Variants in CNKSR2 observed in about 807,000 individuals in gnomAD.
The protein encoded by CNKSR2 is connector enhancer of kinase suppressor of Ras 2.
A neutral mutation model predicts 84.4 loss-of-function variants in CNKSR2; 14 were observed. The ratio of observed to expected loss-of-function variants is 0.17; its 90% confidence interval spans 0.11 to 0.26. The LOEUF (loss-of-function observed/expected upper bound fraction) is 0.26, where lower values mean the gene tolerates loss of function less well. CNKSR2 is among the 10% of genes least tolerant of loss of function. The pLI is 1.00. For synonymous variants in CNKSR2, 275 were observed against 277.9 expected (o/e 0.99, Z 0.10); for missense variants, 485 against 771.2 (o/e 0.63, Z 4.40).
At chrX:21,630,714 C>CAT (rs60545799) in intron 20 of CNKSR2, among the ~76,000 whole-genome samples, 23 of 108,549 alleles carry the variant, frequency 2.1e-4, no homozygotes, top group Admixed American at 5.9e-4. Context: ...CACACACATA[C>CAT]ATATATATAT....
intron 8 of CNKSR2, 25 bp from the exon 9 acceptor site, chrX:21,516,460 T>C: frequency 8.4e-7 from 1 of 1,197,072 alleles, no homozygotes; most frequent in Non-Finnish European, 1.1e-6. Context: ...CTCAATTTTA[T>C]TGTAATGATT....
At chrX:21,625,196 ACT>A (rs1460779008) in intron 20 of CNKSR2, among the ~76,000 whole-genome samples, 2 of 112,190 alleles carry the variant, frequency 1.8e-5, no homozygotes, top group South Asian at 3.7e-4. Context: ...AAATTTGGTG[ACT>A]CTTTTTCTGT....
chrX:21,519,360 A>C (rs1023454931), intron 9 of CNKSR2, among the ~76,000 whole-genome samples: 5 of 111,338 alleles, frequency 4.5e-5, no homozygotes, highest in African/African-American at 1.6e-4. Context: ...GAAAAGTTAA[A>C]GAAATAGTGA....
intron 4 of CNKSR2, among the ~76,000 whole-genome samples, chrX:21,459,664 C>G (rs745943757): frequency 9.0e-6 from 1 of 110,845 alleles, no homozygotes; most frequent in Non-Finnish European, 1.9e-5. Context: ...ATATGTTTAT[C>G]TGGATTTTTG....
chrX:21,584,866 G>T (rs1419588519), intron 13 of CNKSR2, among the ~76,000 whole-genome samples: 1 of 111,108 alleles, frequency 9.0e-6, no homozygotes, highest in Non-Finnish European at 1.9e-5. Context: ...AGAGGGACAT[G>T]AGAAACCATT....
rs2092725370 is a variant in CNKSR2 at position 21,653,493 on chromosome X, A to T, written c.*972A>T. On this transcript the variant is annotated 3_prime_UTR_variant, in exon 22 of 22. Transcript: ENST00000379510. ...CCTAGTCCACTAATTAAACTTAGGTAATTATACTTCAGGTAGGGAAGTACA... is the reference window on the plus strand; with the variant it reads ...CCTAGTCCACTAATTAAACTTAGGTTATTATACTTCAGGTAGGGAAGTACA... The T allele has an allele frequency of 9.1e-6, 1 of 110,387 alleles. No individual in the cohort carries two copies. Among genetic ancestry groups the T allele is most frequent in the Admixed American group, 9.8e-5 (1 of 10,236 alleles). 9.1% of individuals were successfully genotyped at this position (110,387 alleles called of 1,213,427 possible). A position where few individuals can be genotyped will look rare whatever the true frequency, so the allele number is the denominator to read the frequency against.
At chrX:21,546,545 C>G (rs2092027481) in intron 11 of CNKSR2, among the ~76,000 whole-genome samples, 1 of 110,894 alleles carries the variant, frequency 9.0e-6, no homozygotes, top group Admixed American at 9.6e-5. Flanking sequence ...CCTAGCAAGA[C>G]AGGCCAAATT....
At chrX:21,619,733 G>A (rs1281286735) in intron 20 of CNKSR2, among the ~76,000 whole-genome samples, 1 of 110,686 alleles carries the variant, frequency 9.0e-6, no homozygotes, top group Non-Finnish European at 1.9e-5. Flanking sequence ...TTCTTGGTGA[G>A]AGAAAATAGC....
chrX:21,595,232 G>A (rs1261013130), intron 16 of CNKSR2, 92 bp from the exon 17 acceptor site: 15 of 716,863 alleles, frequency 2.1e-5, no homozygotes, highest in Non-Finnish European at 3.0e-5. Flanking sequence ...TGTGAACTCG[G>A]GTTAGATGTT....
At chrX:21,382,790 T>G (rs1449392304) in intron 1 of CNKSR2, among the ~76,000 whole-genome samples, 1 of 111,613 alleles carries the variant, frequency 9.0e-6, no homozygotes, top group Non-Finnish European at 1.9e-5. Context: ...AGCATTTTCT[T>G]GTGTAATTTT....
intron 8 of CNKSR2, among the ~76,000 whole-genome samples, chrX:21,514,343 C>T (rs1313951735): frequency 4.5e-5 from 5 of 111,628 alleles, no homozygotes; most frequent in Non-Finnish European, 9.4e-5. Context: ...TTGTTAATGT[C>T]ATGTGAATAA....
intron 2 of CNKSR2, 26 bp downstream of exon 2, chrX:21,426,686 G>A: frequency 8.7e-7 from 1 of 1,154,374 alleles, no homozygotes; most frequent in Non-Finnish European, 1.1e-6. Flanking sequence ...TGGTGAAGAG[G>A]GAAACTTCTC....
At chrX:21,519,230 C>T (rs1321801069) in intron 9 of CNKSR2, among the ~76,000 whole-genome samples, 1 of 110,746 alleles carries the variant, frequency 9.0e-6, no homozygotes, top group Non-Finnish European at 1.9e-5. Context: ...TGCAAAGACA[C>T]CTGAAAGCAT....
intron 5 of CNKSR2, among the ~76,000 whole-genome samples, chrX:21,474,577 T>G (rs1165265533): frequency 9.0e-6 from 1 of 111,493 alleles, no homozygotes; most frequent in East Asian, 2.8e-4. Context: ...CTACCAGGTT[T>G]TTGGAGGTAC....
chrX:21,405,463 T>C (rs1176076980), intron 1 of CNKSR2, among the ~76,000 whole-genome samples: 1 of 111,545 alleles, frequency 9.0e-6, no homozygotes, highest in Non-Finnish European at 1.9e-5. Flanking sequence ...CTTTGCTGAG[T>C]ATGGGGAAGT....
intron 11 of CNKSR2, among the ~76,000 whole-genome samples, chrX:21,557,645 G>A (rs7882377): frequency 0.36 from 39,550 of 110,293 alleles, 9,030 homozygotes; most frequent in African/African-American, 0.85. Flanking sequence ...TGCAATTAAT[G>A]CATGCTTTAT....
rs563848781 is a variant in CNKSR2 at position 21,438,050 on chromosome X, A to G, written c.432-2644A>G. On this transcript the variant is annotated intron_variant, in intron 3 of 21. Transcript: ENST00000379510. ...TTTAGGAGTAGGAATAGATAAGTTC[A>G]TGAAAGAGAGCCTATAATACACTGT... 4.5e-5 allele frequency among the ~76,000 whole-genome samples: 5 copies of G among 112,139 alleles called. 1 individual carries two copies. Among genetic ancestry groups the G allele is most frequent in the African/African-American group, 1.3e-4 (4 of 30,874 alleles).
chrX:21,470,822 A>G lies in CNKSR2; in HGVS notation c.561+15A>G, dbSNP rs766773226. 10 of 925,497 alleles carry G rather than the reference A, an allele frequency of 1.1e-5. No homozygotes were observed. Among genetic ancestry groups the G allele is most frequent in the Non-Finnish European group, 1.5e-5 (10 of 668,932 alleles). The allele number at this position is 925,497 out of a possible 1,213,427, so 76.3% of individuals were successfully genotyped here. On this transcript the variant is annotated intron_variant, in intron 5 of 21. Transcript: ENST00000379510. ...TTCTTCACGTGGTGAGTATACTTGG[A>G]TTTATTTTAATCTTTATTAGAGGAT...
At chrX:21,408,261 T>C (rs374881606) in intron 1 of CNKSR2, among the ~76,000 whole-genome samples, 2 of 112,159 alleles carry the variant, frequency 1.8e-5, no homozygotes, top group East Asian at 5.6e-4. Context: ...CCCATTAACC[T>C]GTGGCTACTC....
Sources: gnomAD v4.1 joint callset for allele counts (sites outside exome capture counted in the v4.1 genomes callset) on GRCh38, gnomAD v4.1.1 for gene constraint, MANE v1.5 for transcripts, NCBI Gene and HGNC (gene_info 2026-07-23, HGNC 2026-07-21) for gene names.